Variants in HTR2C observed in about 807,000 individuals in gnomAD.
The protein encoded by HTR2C is 5-hydroxytryptamine (serotonin) receptor 2C, G protein-coupled.
In HTR2C, 5 loss-of-function variants were observed where a neutral mutation model predicts 21.0. The observed-to-expected ratio is 0.24, with a 90% confidence interval of 0.12 to 0.50. The LOEUF (loss-of-function observed/expected upper bound fraction) is 0.50. Among genes scored for constraint, HTR2C ranks in the 20% least tolerant of loss-of-function variants. HTR2C has a pLI of 0.98. For synonymous variants in HTR2C, 150 were observed against 145.3 expected, an observed-to-expected ratio of 1.03 and a Z score of -0.23; for missense variants, 271 against 371.2, an observed-to-expected ratio of 0.73 and a Z score of 2.22.
intron 2 of HTR2C, among the ~76,000 whole-genome samples, chrX:114,643,664 A>G (rs1370448264): frequency 1.4e-4 from 16 of 111,636 alleles, no homozygotes; most frequent in Non-Finnish European, 3.0e-4. Context: ...AGCACAAGTT[A>G]ATTAGAACAC....
At chrX:114,894,467 GTATC>G (rs782671520) in intron 5 of HTR2C, among the ~76,000 whole-genome samples, 1 of 110,137 alleles carries the variant, frequency 9.1e-6, no homozygotes, top group Admixed American at 9.8e-5. Flanking sequence ...ATACTGATAA[GTATC>G]TAAAGAGTCA....
chrX:114,838,327 G>A (rs1328482913), intron 4 of HTR2C, among the ~76,000 whole-genome samples: 1 of 111,740 alleles, frequency 8.9e-6, no homozygotes, highest in East Asian at 2.8e-4. Context: ...TGTTAACTTA[G>A]AGATTGATTA....
intron 4 of HTR2C, among the ~76,000 whole-genome samples, chrX:114,742,409 A>G (rs1423568288): frequency 9.0e-6 from 1 of 111,190 alleles, no homozygotes; most frequent in Non-Finnish European, 1.9e-5. Context: ...GACTCAAAGC[A>G]GCGTAGCCAA....
At chrX:114,673,316 G>T (rs986106698) in intron 2 of HTR2C, among the ~76,000 whole-genome samples, 2 of 111,345 alleles carry the variant, frequency 1.8e-5, no homozygotes, top group Non-Finnish European at 3.8e-5. Flanking sequence ...TGGATTTGAT[G>T]GTAAGAATGT....
intron 4 of HTR2C, among the ~76,000 whole-genome samples, chrX:114,760,528 C>CT (rs1181326686): frequency 9.1e-6 from 1 of 110,363 alleles, no homozygotes; most frequent in Non-Finnish European, 1.9e-5. Flanking sequence ...TTATTTTTTT[C>CT]TTTTTTGAGA....
chrX:114,679,638 C>T (rs1329453051), intron 2 of HTR2C, among the ~76,000 whole-genome samples: 5 of 111,685 alleles, frequency 4.5e-5, no homozygotes, highest in African/African-American at 1.3e-4. Flanking sequence ...GAGAAAATCA[C>T]ACTCAACTGG....
intron 4 of HTR2C, among the ~76,000 whole-genome samples, chrX:114,817,326 C>A (rs2070594800): frequency 9.0e-6 from 1 of 111,369 alleles, no homozygotes; most frequent in Non-Finnish European, 1.9e-5. Flanking sequence ...TCTACAAATG[C>A]AATTTCTAAA....
intron 1 of HTR2C, among the ~76,000 whole-genome samples, chrX:114,611,653 T>C (rs1228179361): frequency 4.4e-5 from 5 of 112,654 alleles, no homozygotes; most frequent in Admixed American, 1.9e-4. Context: ...ATACTAAATG[T>C]ATTTTCTGAA....
At chrX:114,646,805 A>C (rs782036817) in intron 2 of HTR2C, among the ~76,000 whole-genome samples, 20 of 112,479 alleles carry the variant, frequency 1.8e-4, no homozygotes, top group African/African-American at 6.5e-4. Flanking sequence ...CTTACATGCA[A>C]GTCTTTAATC....
At chrX:114,746,857 C>T (rs946665099) in intron 4 of HTR2C, among the ~76,000 whole-genome samples, 7 of 110,673 alleles carry the variant, frequency 6.3e-5, no homozygotes, top group Admixed American at 3.8e-4. Context: ...TGGTGGCGGG[C>T]GCCTGTAGTC....
At chrX:114,871,098 A>G (rs2071088477) in intron 5 of HTR2C, among the ~76,000 whole-genome samples, 1 of 110,550 alleles carries the variant, frequency 9.0e-6, no homozygotes, top group Admixed American at 9.7e-5. Context: ...TTTTTGCTGT[A>G]TCCCATAGGT....
chrX:114,607,896 G>A (rs1367493077), intron 1 of HTR2C, among the ~76,000 whole-genome samples: 3 of 110,929 alleles, frequency 2.7e-5, no homozygotes, highest in Admixed American at 9.6e-5. Flanking sequence ...GCTGAGGCAG[G>A]AGAATTGCTG....
intron 5 of HTR2C, among the ~76,000 whole-genome samples, chrX:114,868,435 A>G (rs1051516943): frequency 1.4e-4 from 16 of 110,382 alleles, no homozygotes; most frequent in Non-Finnish European, 2.7e-4. Context: ...ACCTTACAGC[A>G]TTTCTCCCCA....
At chrX:114,663,129 A>G (rs1274804202) in intron 2 of HTR2C, among the ~76,000 whole-genome samples, 1 of 111,315 alleles carries the variant, frequency 9.0e-6, no homozygotes, top group Non-Finnish European at 1.9e-5. Flanking sequence ...TTAGATTGTA[A>G]GCTCTCCTTC....
chrX:114,892,977 A>G (rs902867121), intron 5 of HTR2C, among the ~76,000 whole-genome samples: 4 of 108,008 alleles, frequency 3.7e-5, no homozygotes, highest in Non-Finnish European at 5.7e-5. Flanking sequence ...CAGTGGCATG[A>G]TCTTGGTTCA....
intron 5 of HTR2C, among the ~76,000 whole-genome samples, chrX:114,876,195 A>G (rs1327400048): frequency 1.8e-5 from 2 of 108,111 alleles, no homozygotes; most frequent in African/African-American, 6.7e-5. Flanking sequence ...TTCTTCACTT[A>G]TTTTTTCAGA....
chrX:114,736,725 C>T (rs1556424517), intron 4 of HTR2C, among the ~76,000 whole-genome samples: 3 of 111,464 alleles, frequency 2.7e-5, no homozygotes, highest in Non-Finnish European at 5.6e-5. Flanking sequence ...TTCTTAAGTG[C>T]ACATGAAGTA....
At chrX:114,891,214 T>C (rs1445501325) in intron 5 of HTR2C, among the ~76,000 whole-genome samples, 1 of 111,384 alleles carries the variant, frequency 9.0e-6, no homozygotes, top group Non-Finnish European at 1.9e-5. Flanking sequence ...CTCGAACTTA[T>C]TGAACATATT....
chrX:114,617,070 A>G (rs1446514044), intron 2 of HTR2C, among the ~76,000 whole-genome samples: 1 of 112,397 alleles, frequency 8.9e-6, no homozygotes, highest in Non-Finnish European at 1.9e-5. Context: ...TCTGTTTTCA[A>G]TATGAGTTCT....
Sources: allele counts gnomAD v4.1 joint callset (sites outside exome capture counted in the v4.1 genomes callset), GRCh38; gene constraint gnomAD v4.1.1; transcripts MANE v1.5; gene names NCBI Gene and HGNC (gene_info 2026-07-23, HGNC 2026-07-21).